The following GRID2 variants were observed in gnomAD, a reference collection of about 807,000 sequenced individuals.
GRID2 encodes glutamate ionotropic receptor delta type subunit 2, also known as glutamate receptor ionotropic, delta-2.
Under a neutral mutation model 114.8 loss-of-function variants are expected in GRID2, and 33 were observed. The ratio of observed to expected loss-of-function variants is 0.29; its 90% confidence interval spans 0.22 to 0.38. GRID2 has a LOEUF of 0.38. Among genes scored for constraint, GRID2 ranks in the 10% least tolerant of loss-of-function variants. GRID2 has a pLI of 1.00. For missense variants in GRID2, 1,184 were observed against 1,257.7 expected (o/e 0.94, Z 0.89); for synonymous variants, 505 against 449.9 (o/e 1.12, Z -1.55).
At chr4:93,128,050 AAAAAAAAAAC>A (rs1579066542) in intron 4 of GRID2, among the ~76,000 whole-genome samples, 7 of 145,336 alleles carry the variant, frequency 4.8e-5, no homozygotes, top group African/African-American at 1.0e-4. Context: ...AAAAAAAAAA[AAAAAAAAAAC>A]AACAGTACGT....
At chr4:93,050,394 T>C (rs1332682057) in intron 2 of GRID2, among the ~76,000 whole-genome samples, 1 of 151,976 alleles carries the variant, frequency 6.6e-6, no homozygotes, top group Admixed American at 6.6e-5. Context: ...TCCTTAATCA[T>C]GAATGCAAAT....
intron 2 of GRID2, among the ~76,000 whole-genome samples, chr4:92,666,074 A>G (rs1732759446): frequency 6.6e-6 from 1 of 151,334 alleles, no homozygotes; most frequent in Non-Finnish European, 1.5e-5. Context: ...ATTGTGTTTT[A>G]TACCTTTAGT....
chr4:92,870,235 CTATA>C (rs546015770), intron 2 of GRID2, among the ~76,000 whole-genome samples: 3 of 150,882 alleles, frequency 2.0e-5, no homozygotes, highest in Admixed American at 6.6e-5. Flanking sequence ...TGTCTATAAA[CTATA>C]TATATAATAT....
intron 1 of GRID2, among the ~76,000 whole-genome samples, chr4:92,524,652 C>T (rs539049114): frequency 9.9e-5 from 15 of 151,902 alleles, no homozygotes; most frequent in Admixed American, 3.3e-4. Context: ...AACTTAATTC[C>T]GTCTACTTTC....
At chr4:93,692,204 T>TG (rs149926702) in intron 14 of GRID2, among the ~76,000 whole-genome samples, 6,239 of 151,782 alleles carry the variant, frequency 0.041, 202 homozygotes, top group African/African-American at 0.081. Context: ...AGATAAAAAT[T>TG]GGGGGGGTTG....
intron 4 of GRID2, among the ~76,000 whole-genome samples, chr4:93,137,345 T>A (rs1294694106): frequency 6.6e-6 from 1 of 152,214 alleles, no homozygotes; most frequent in Non-Finnish European, 1.5e-5. Context: ...ATGATTACTA[T>A]GCAGGATGAT....
At chr4:93,042,299 C>CTA (rs771214923) in intron 2 of GRID2, among the ~76,000 whole-genome samples, 1,493 of 102,638 alleles carry the variant, frequency 0.015, 16 homozygotes, top group Admixed American at 0.038. Flanking sequence ...CTCTCTCTCT[C>CTA]TATATATATA....
intron 2 of GRID2, among the ~76,000 whole-genome samples, chr4:92,605,145 T>C (rs1425438846): frequency 2.0e-5 from 3 of 152,240 alleles, no homozygotes; most frequent in Non-Finnish European, 1.5e-5. Flanking sequence ...ATCTCTTTCC[T>C]TTATAAATTA....
chr4:92,661,296 ACC>A lies in GRID2; in HGVS notation c.244+71012_244+71013del, dbSNP rs1178794215. Among the ~76,000 whole-genome samples the A allele has an allele frequency of 2.0e-5, 3 of 150,984 alleles. No individual in the cohort carries two copies. In the Admixed American group the frequency reaches 2.0e-4, roughly 10 times the overall value. On this transcript the variant is annotated intron_variant, in intron 2 of 15. Coordinates refer to ENST00000282020, the MANE Select transcript of GRID2 (RefSeq NM_001510.4). ...TTATGACAAATAACATTAAAAAGTC[ACC>A]CTGTTTAAAAGTATCAAAAAATCTA...
At chr4:92,656,711 A>G (rs1732257281) in intron 2 of GRID2, among the ~76,000 whole-genome samples, 1 of 151,738 alleles carries the variant, frequency 6.6e-6, no homozygotes, top group Admixed American at 6.6e-5. Context: ...CTCCCATGCA[A>G]TGAAAATTAA....
chr4:93,613,969 G>GTGGGC (rs1190170247), intron 13 of GRID2, among the ~76,000 whole-genome samples: 2 of 151,774 alleles, frequency 1.3e-5, no homozygotes, highest in African/African-American at 2.4e-5. Context: ...GCGAGATTCC[G>GTGGGC]TGGGCGTAGG....
At chr4:92,668,483 T>C (rs1732893159) in intron 2 of GRID2, among the ~76,000 whole-genome samples, 1 of 151,804 alleles carries the variant, frequency 6.6e-6, no homozygotes, top group South Asian at 2.1e-4. Flanking sequence ...GTAATATATA[T>C]TGAGGCATCT....
chr4:92,422,852 G>C (rs1185245419), intron 1 of GRID2, among the ~76,000 whole-genome samples: 2 of 152,142 alleles, frequency 1.3e-5, no homozygotes, highest in Non-Finnish European at 2.9e-5. Flanking sequence ...GGAAAGAACT[G>C]TTACCATCTT....
chr4:92,890,403 C>T (rs558488644), intron 2 of GRID2, among the ~76,000 whole-genome samples: 3 of 152,104 alleles, frequency 2.0e-5, no homozygotes, highest in Non-Finnish European at 2.9e-5. Context: ...CTACAAGGAA[C>T]TTAAACAAAT....
At position 93,566,626 on chromosome 4, in the gene GRID2, C is replaced by T. The variant is rs559737244; in HGVS notation, c.2193+51215C>T. The stretch of plus-strand genomic sequence containing the variant: ...CTCTACTAAAAATTCAAAAATTAGC[C>T]GGGCATAGTGGTGCGCAGCTATAAT... On this transcript the variant is annotated intron_variant, in intron 13 of 15. Transcript: ENST00000282020. 4.9e-3 allele frequency among the ~76,000 whole-genome samples: 744 copies of T among 151,912 alleles called. 3 individuals are homozygous for T. The highest frequency in any genetic ancestry group is 5.7e-3 in the Non-Finnish European group (390 of 67,968).
At chr4:93,272,433 A>G (rs191515659) in intron 8 of GRID2, among the ~76,000 whole-genome samples, 51 of 152,298 alleles carry the variant, frequency 3.3e-4, no homozygotes, top group Admixed American at 3.0e-3. Flanking sequence ...AGGTGGGTGC[A>G]CTTTCAAAAA....
At chr4:93,784,886 T>G (rs1734562191) in intron 1 of GRID2, among the ~76,000 whole-genome samples, 1 of 152,186 alleles carries the variant, frequency 6.6e-6, no homozygotes, top group African/African-American at 2.4e-5. Flanking sequence ...TAAAATTATA[T>G]GTAAGTACTT....
At chr4:93,805,928 C>A (rs920472241) in intron 1 of GRID2, among the ~76,000 whole-genome samples, 45 of 152,214 alleles carry the variant, frequency 3.0e-4, no homozygotes, top group Middle Eastern at 3.4e-3. Flanking sequence ...AAAACCCCAT[C>A]TTTACTAAAA....
intron 2 of GRID2, among the ~76,000 whole-genome samples, chr4:92,683,126 TGC>T (rs1357960633): frequency 6.6e-6 from 1 of 151,886 alleles, no homozygotes; most frequent in Non-Finnish European, 1.5e-5. Context: ...GGTGAAACCT[TGC>T]CTCTACTAAA....
Sources: gnomAD v4.1 joint callset for allele counts (sites outside exome capture counted in the v4.1 genomes callset) on GRCh38, gnomAD v4.1.1 for gene constraint, MANE v1.5 for transcripts, NCBI Gene and HGNC (gene_info 2026-07-23, HGNC 2026-07-21) for gene names.